CNTLN: variants seen among roughly 807,000 people sequenced by gnomAD.
The protein encoded by CNTLN is centlein.
CNTLN carries 212 observed loss-of-function variants against 180.0 expected under a neutral mutation model. The observed-to-expected ratio is 1.18, with a 90% confidence interval of 1.05 to 1.32. The LOEUF is 1.32. Among genes scored for constraint, CNTLN ranks in the 40% most tolerant of loss-of-function variants. The pLI, the probability that CNTLN is intolerant of heterozygous loss-of-function variation, is 0.00. For synonymous variants in CNTLN, 722 were observed against 563.1 expected (o/e 1.28, Z -3.99); for missense variants, 2,095 against 1,610.9 (o/e 1.30, Z -5.14).
chr9:17,496,748 T>C (rs1833477533), intron 25 of CNTLN, among the ~76,000 whole-genome samples: 1 of 152,214 alleles, frequency 6.6e-6, no homozygotes, highest in Non-Finnish European at 1.5e-5. Flanking sequence ...GGACTCCTTG[T>C]TAACAGTGGA....
rs558429754 is a variant in CNTLN at position 17,194,666 on chromosome 9, C to CA, written c.450-31534dup. Among the ~76,000 whole-genome samples, 623 of 152,288 alleles carry CA rather than the reference C, an allele frequency of 4.1e-3. 4 individuals carry two copies. Among genetic ancestry groups the CA allele is most frequent in the African/African-American group, 0.014 (595 of 41,560 alleles). Reference sequence around the variant, plus strand: ...TTTTCCTGTCTTCTTCTGAGCCCTCCAAACTGTTCCAACCTTTGTTACCCA... The same window carrying CA: ...TTTTCCTGTCTTCTTCTGAGCCCTCCAAAACTGTTCCAACCTTTGTTACCCA... On this transcript the variant is annotated intron_variant, in intron 2 of 25. Transcript: ENST00000380647.
intron 5 of CNTLN, among the ~76,000 whole-genome samples, chr9:17,263,011 T>C (rs563359830): frequency 6.6e-6 from 1 of 151,416 alleles, no homozygotes; most frequent in South Asian, 2.1e-4. Flanking sequence ...AGTTTTAAAA[T>C]CTAATTTATC....
intron 2 of CNTLN, chr9:17,168,534 TTA>T (rs1820230962): frequency 6.6e-6 from 1 of 152,160 alleles, no homozygotes; most frequent in South Asian, 2.1e-4. Flanking sequence ...TTGGATGATA[TTA>T]AGAATTAAAT....
chr9:17,282,023 A>G (rs1828697484), intron 6 of CNTLN, among the ~76,000 whole-genome samples: 3 of 151,964 alleles, frequency 2.0e-5, no homozygotes. Flanking sequence ...AGTGCAGTGG[A>G]GCGATCTCGG....
chr9:17,287,478 T>G (rs1389243128), intron 6 of CNTLN, among the ~76,000 whole-genome samples: 1 of 151,192 alleles, frequency 6.6e-6, no homozygotes, highest in Non-Finnish European at 1.5e-5. Flanking sequence ...CTTTTTTGGT[T>G]GTGTCTCTGC....
At chr9:17,491,957 T>A (rs958874204) in intron 25 of CNTLN, among the ~76,000 whole-genome samples, 3 of 152,192 alleles carry the variant, frequency 2.0e-5, no homozygotes, top group African/African-American at 7.2e-5. Flanking sequence ...CTGAAGCCAT[T>A]TACTCTGTGG....
chr9:17,494,871 C>T (rs1588113447), intron 25 of CNTLN: 1 of 400,566 alleles, frequency 2.5e-6, no homozygotes, highest in Admixed American at 3.3e-5. Context: ...ATTTACTATA[C>T]CATACTTTTT....
At chr9:17,136,247 G>A (rs567277165) in intron 1 of CNTLN, among the ~76,000 whole-genome samples, 6 of 152,288 alleles carry the variant, frequency 3.9e-5, no homozygotes, top group Admixed American at 1.3e-4. Context: ...TCACTGAACA[G>A]TAGATCTTTA....
At chr9:17,137,682 A>G (rs16935344) in intron 1 of CNTLN, among the ~76,000 whole-genome samples, 2,167 of 152,340 alleles carry the variant, frequency 0.014, 54 homozygotes, top group African/African-American at 0.048. Flanking sequence ...AACACTGCTA[A>G]TTAGTCCATG....
chr9:17,376,556 G>A (rs190370910), intron 13 of CNTLN, among the ~76,000 whole-genome samples: 2,048 of 151,588 alleles, frequency 0.014, 19 homozygotes, highest in African/African-American at 0.03. Flanking sequence ...GGTTCACGCC[G>A]TTCTCCTGCC....
intron 13 of CNTLN, among the ~76,000 whole-genome samples, chr9:17,376,672 C>G (rs1372624297): frequency 6.6e-6 from 1 of 152,106 alleles, no homozygotes; most frequent in East Asian, 2.0e-4. Context: ...AGAATGGTCT[C>G]GATCTCCTGA....
intron 15 of CNTLN, among the ~76,000 whole-genome samples, chr9:17,399,477 A>G (rs1826799307): frequency 6.6e-6 from 1 of 152,108 alleles, no homozygotes; most frequent in South Asian, 2.1e-4. Flanking sequence ...TTTTATTCTC[A>G]TTCAAAATTA....
chr9:17,419,913 A>G (rs1207230396), intron 18 of CNTLN, among the ~76,000 whole-genome samples: 2 of 152,076 alleles, frequency 1.3e-5, no homozygotes, highest in African/African-American at 4.8e-5. Flanking sequence ...TTATTGTAGT[A>G]TAGTTTTTTG....
At chr9:17,384,955 T>A (rs1021088268) in intron 13 of CNTLN, among the ~76,000 whole-genome samples, 4 of 152,194 alleles carry the variant, frequency 2.6e-5, no homozygotes, top group Non-Finnish European at 5.9e-5. Context: ...CAGGACTGCC[T>A]CCATTTTAGA....
intron 12 of CNTLN, among the ~76,000 whole-genome samples, chr9:17,360,080 G>T (rs1019113451): frequency 1.3e-5 from 2 of 151,986 alleles, no homozygotes; most frequent in African/African-American, 4.8e-5. Flanking sequence ...TTGCAATATA[G>T]ATATCCATCT....
intron 1 of CNTLN, among the ~76,000 whole-genome samples, chr9:17,141,302 C>A (rs540406770): frequency 6.6e-6 from 1 of 152,054 alleles, no homozygotes; most frequent in African/African-American, 2.4e-5. Context: ...AAAATTGTAA[C>A]TGGAAAAGGG....
intron 9 of CNTLN, among the ~76,000 whole-genome samples, chr9:17,331,948 T>C (rs371123549): frequency 2.1e-4 from 32 of 152,226 alleles, no homozygotes; most frequent in African/African-American, 6.5e-4. Context: ...AGGGGTATTA[T>C]GGCCAAAATT....
chr9:17,523,301 A>G, the CNTLN span, among the ~76,000 whole-genome samples: 4 of 152,114 alleles, frequency 2.6e-5, no homozygotes, highest in Non-Finnish European at 5.9e-5. Context: ...CAGTGGTGCA[A>G]TCTCAGCTCA....
chr9:17,458,272 G>C (rs779795406), intron 19 of CNTLN, among the ~76,000 whole-genome samples: 3 of 151,310 alleles, frequency 2.0e-5, no homozygotes, highest in Non-Finnish European at 4.4e-5. Context: ...CAACTTAAAA[G>C]TAAGGCTGTC....
Sources: gnomAD v4.1 joint callset for allele counts (sites outside exome capture counted in the v4.1 genomes callset) on GRCh38, gnomAD v4.1.1 for gene constraint, MANE v1.5 for transcripts, NCBI Gene and HGNC (gene_info 2026-07-23, HGNC 2026-07-21) for gene names.